Variants in KCNQ3 observed in about 807,000 individuals in gnomAD.
The protein encoded by KCNQ3 is potassium voltage-gated channel subfamily Q member 3.
A neutral mutation model predicts 92.5 loss-of-function variants in KCNQ3; 30 were observed. The observed-to-expected ratio is 0.32, with a 90% CI of 0.24 to 0.44. KCNQ3 has a LOEUF of 0.44. KCNQ3 is among the 20% of genes least tolerant of loss of function. The pLI is 1.00. For missense variants in KCNQ3, 913 were observed against 1,140.3 expected, an observed-to-expected ratio of 0.80 and a Z score of 2.87; for synonymous variants, 450 against 468.8, an observed-to-expected ratio of 0.96 and a Z score of 0.52.
rs548568492 is a variant in KCNQ3 at position 132,165,515 on chromosome 8, C to T, written c.1236-2021G>A. ...CTTTCCCCTTCGGCATCAATACTCCCTTGCAGCCCAGATTCAATCAGCCGA... is the reference window on the plus strand; with the variant it reads ...CTTTCCCCTTCGGCATCAATACTCCTTTGCAGCCCAGATTCAATCAGCCGA... On this transcript the variant is annotated intron_variant, in intron 8 of 14. Coordinates refer to ENST00000388996, the MANE Select transcript of KCNQ3 (RefSeq NM_004519.4). Among the ~76,000 whole-genome samples, 8 of 152,302 alleles carry T rather than the reference C, an allele frequency of 5.3e-5. No homozygotes were observed. In the South Asian group the frequency reaches 1.4e-3, roughly 28 times the overall value.
rs746167284 is a variant in KCNQ3, at chr8:132,129,071, A to G, written c.*191T>C. ...TAAAGTCATGCAAACCATGCTGAAA[A>G]GGAAGCACTTTGTTGTGGTGACATG... On this transcript the variant is annotated 3_prime_UTR_variant, in exon 15 of 15. Coordinates refer to ENST00000388996, the MANE Select transcript of KCNQ3 (RefSeq NM_004519.4). This position sits in a 1 kb window ranked among gnomAD's most constrained non-coding sequence, Gnocchi z 5.9. 4 of 624,614 alleles carry G rather than the reference A, an allele frequency of 6.4e-6. No homozygotes were observed. Among genetic ancestry groups the G allele is most frequent in the Non-Finnish European group, 1.1e-5 (4 of 355,968 alleles). The allele number at this position is 624,614 out of a possible 1,614,324, so 38.7% of individuals were successfully genotyped here. A position where few individuals can be genotyped will look rare whatever the true frequency, so the allele number is the denominator to read the frequency against.
intron 1 of KCNQ3, among the ~76,000 whole-genome samples, chr8:132,226,498 T>C (rs559977446): frequency 1.3e-5 from 2 of 152,180 alleles, no homozygotes; most frequent in East Asian, 1.9e-4. Flanking sequence ...AACTAAGAAA[T>C]TGACAAGTAG....
At chr8:132,465,016 T>C (rs556178472) in intron 1 of KCNQ3, among the ~76,000 whole-genome samples, 2 of 152,202 alleles carry the variant, frequency 1.3e-5, no homozygotes, top group Admixed American at 6.5e-5. Context: ...AAACAAGATA[T>C]GTTCAAGTCA....
intron 1 of KCNQ3, among the ~76,000 whole-genome samples, chr8:132,239,948 A>G (rs550862210): frequency 1.1e-4 from 17 of 152,312 alleles, no homozygotes; most frequent in South Asian, 1.0e-3. Context: ...TTCACTTTCA[A>G]TCACGGCCTT....
At chr8:132,217,391 C>A (rs556295393) in intron 1 of KCNQ3, among the ~76,000 whole-genome samples, 17 of 152,198 alleles carry the variant, frequency 1.1e-4, no homozygotes, top group African/African-American at 3.9e-4. Context: ...GAATCTCTAC[C>A]TCATTGAGGT....
chr8:132,359,702 G>A (rs1202053292), intron 1 of KCNQ3, among the ~76,000 whole-genome samples: 1 of 152,150 alleles, frequency 6.6e-6, no homozygotes, highest in African/African-American at 2.4e-5. Flanking sequence ...TAGTAATGAT[G>A]ACATTAGCAT....
At chr8:132,425,123 C>T (rs530004276) in intron 1 of KCNQ3, among the ~76,000 whole-genome samples, 1 of 152,282 alleles carries the variant, frequency 6.6e-6, no homozygotes, top group South Asian at 2.1e-4. Flanking sequence ...TTACATCAGC[C>T]CACACAGTGG....
intron 1 of KCNQ3, among the ~76,000 whole-genome samples, chr8:132,335,243 G>A (rs1563865413): frequency 1.3e-5 from 2 of 152,112 alleles, no homozygotes; most frequent in South Asian, 4.2e-4. Flanking sequence ...GTTTCACCAC[G>A]GTGGCCAGCC....
chr8:132,238,891 A>G (rs898821147), intron 1 of KCNQ3, among the ~76,000 whole-genome samples: 1 of 152,226 alleles, frequency 6.6e-6, no homozygotes, highest in African/African-American at 2.4e-5. Flanking sequence ...GGAGAGAAGA[A>G]AAAAGTTAAT....
chr8:132,156,951 G>A (rs192180811), intron 9 of KCNQ3, among the ~76,000 whole-genome samples: 3 of 152,280 alleles, frequency 2.0e-5, no homozygotes, highest in Admixed American at 6.5e-5. Context: ...GGAATGGGTC[G>A]AAAAGCCCAA....
intron 1 of KCNQ3, among the ~76,000 whole-genome samples, chr8:132,370,965 G>T (rs1819457292): frequency 6.6e-6 from 1 of 152,068 alleles, no homozygotes; most frequent in Non-Finnish European, 1.5e-5. Context: ...TGCAAAGCAG[G>T]GGCCAGAACT....
chr8:132,347,869 T>C (rs1163949087), intron 1 of KCNQ3, among the ~76,000 whole-genome samples: 4 of 150,742 alleles, frequency 2.7e-5, no homozygotes, highest in African/African-American at 7.3e-5. Context: ...CCCAGCTACT[T>C]GGGAGGCTGA....
intron 1 of KCNQ3, among the ~76,000 whole-genome samples, chr8:132,203,256 T>C (rs568578663): frequency 1.3e-5 from 2 of 152,302 alleles, no homozygotes; most frequent in South Asian, 4.1e-4. Context: ...ACATGCACTT[T>C]AGGAGACACA....
chr8:132,322,137 A>G (rs1817914784), intron 1 of KCNQ3, among the ~76,000 whole-genome samples: 1 of 152,178 alleles, frequency 6.6e-6, no homozygotes, highest in African/African-American at 2.4e-5. Context: ...AGGGGCTAAC[A>G]AAGAGACTTT....
At chr8:132,480,021 TG>T in intron 1 of KCNQ3, 125 bp downstream of exon 1, 1 of 862,448 alleles carries the variant, frequency 1.2e-6, no homozygotes, top group Non-Finnish European at 1.8e-6. Flanking sequence ...GAGGACGGGC[TG>T]GTCTCCCCTT....
intron 1 of KCNQ3, among the ~76,000 whole-genome samples, chr8:132,404,279 C>T (rs1820422007): frequency 2.0e-5 from 3 of 152,176 alleles, no homozygotes; most frequent in Admixed American, 2.0e-4. Context: ...ATGTCTCAGA[C>T]ACCCCTCTCT....
At chr8:132,294,916 G>A (rs1337123653) in intron 1 of KCNQ3, among the ~76,000 whole-genome samples, 3 of 152,138 alleles carry the variant, frequency 2.0e-5, no homozygotes, top group Non-Finnish European at 4.4e-5. Context: ...AAAGTCTTAA[G>A]TGTAAAACCC....
chr8:132,185,434 G>A (rs1826929866), intron 2 of KCNQ3, among the ~76,000 whole-genome samples: 1 of 152,242 alleles, frequency 6.6e-6, no homozygotes, highest in African/African-American at 2.4e-5. Context: ...GCAAGCCCTT[G>A]TTAGAGCCTC....
chr8:132,187,455 A>T (rs1827006387), intron 1 of KCNQ3, among the ~76,000 whole-genome samples: 1 of 152,122 alleles, frequency 6.6e-6, no homozygotes, highest in Non-Finnish European at 1.5e-5. Flanking sequence ...CTGATCTATA[A>T]ACCTGCTGAT....
Sources: allele counts gnomAD v4.1 joint callset (sites outside exome capture counted in the v4.1 genomes callset), GRCh38; gene constraint gnomAD v4.1.1; non-coding constraint Gnocchi (gnomAD v3.1); transcripts MANE v1.5; gene names NCBI Gene and HGNC (gene_info 2026-07-23, HGNC 2026-07-21).